PLIN2: variants seen among roughly 807,000 people sequenced by gnomAD.
PLIN2 encodes the protein perilipin 2, also known as perilipin-2.
PLIN2 carries 33 observed loss-of-function variants against 30.6 expected under a neutral mutation model. The ratio of observed to expected loss-of-function variants is 1.08; its 90% CI spans 0.82 to 1.44. The LOEUF is 1.44. Ranked by LOEUF, PLIN2 falls within the 40% of genes most tolerant of loss-of-function variation. The pLI is 0.00. For missense variants in PLIN2, 610 were observed against 531.8 expected (o/e 1.15, Z -1.45); for synonymous variants, 205 against 201.1 (o/e 1.02, Z -0.16).
chr9:19,115,857 A>T lies in PLIN2; in HGVS notation c.*391T>A, dbSNP rs1239867447. On this transcript the variant is annotated 3_prime_UTR_variant, in exon 8 of 8. Transcript: ENST00000276914. ...AAATCAAGTTTTACAAGCAAGCATC[A>T]TGAGATAAAGCAGTGAAGACGCCTT... The T allele has an allele frequency of 6.2e-6, 1 of 162,148 alleles. No individual in the cohort carries two copies. Among genetic ancestry groups the T allele is most frequent in the Non-Finnish European group, 1.3e-5 (1 of 74,588 alleles). 10.0% of individuals were successfully genotyped at this position (162,148 alleles called of 1,614,324 possible). A position where few individuals can be genotyped will look rare whatever the true frequency, so the allele number is the denominator to read the frequency against.
intron 4 of PLIN2, among the ~76,000 whole-genome samples, chr9:19,121,394 G>GT (rs1818313048): frequency 2.0e-5 from 3 of 149,154 alleles, no homozygotes; most frequent in African/African-American, 7.4e-5. Context: ...AGCAAATGAA[G>GT]TAAACAGATA....
downstream of PLIN2, among the ~76,000 whole-genome samples, chr9:19,110,852 T>C (rs1246578822): frequency 6.6e-6 from 1 of 152,174 alleles, no homozygotes; most frequent in Non-Finnish European, 1.5e-5. Flanking sequence ...CTAGAAAGTA[T>C]ATTATGTATC....
In PLIN2 at chr9:19,116,356, T is replaced by C; in HGVS notation, c.1206A>G (p.Val402=). 1 of 1,614,168 alleles carries C rather than the reference T, an allele frequency of 6.2e-7. No homozygotes were observed. The highest frequency in any genetic ancestry group is 8.5e-7 in the Non-Finnish European group (1 of 1,180,002). Residue 402 remains valine, a synonymous_variant, in exon 8 of 8, where the codon GTA becomes GTG. Transcript: ENST00000276914. ...CAGTCAGCTGAGGATAAAAGGGACCTACCAGCCAGTTGAGGGGCGTGTTGT... is the reference window on the plus strand; with the variant it reads ...CAGTCAGCTGAGGATAAAAGGGACCCACCAGCCAGTTGAGGGGCGTGTTGT... ...LVNNTPLNWL[V]GPFYPQLTES... is the part of the protein sequence containing the mutation.
chr9:19,121,619 G>T (rs757976201), intron 4 of PLIN2, among the ~76,000 whole-genome samples: 1 of 152,036 alleles, frequency 6.6e-6, no homozygotes, highest in Non-Finnish European at 1.5e-5. Context: ...CCTGGCCCTC[G>T]GGGTGTTATT....
At chr9:19,115,550 G>C (rs745783346), downstream of PLIN2, among the ~76,000 whole-genome samples, 1 of 151,770 alleles carries the variant, frequency 6.6e-6, no homozygotes, top group African/African-American at 2.4e-5. Flanking sequence ...CTCGTGATCC[G>C]CCCACCTCAG....
chr9:19,123,011 C>T (rs1818343928), intron 4 of PLIN2, among the ~76,000 whole-genome samples: 1 of 152,178 alleles, frequency 6.6e-6, no homozygotes, highest in African/African-American at 2.4e-5. Context: ...CACTAAGTGA[C>T]AGATGACTGT....
At chr9:19,113,645 C>T (rs1015981136), downstream of PLIN2, among the ~76,000 whole-genome samples, 2 of 151,308 alleles carry the variant, frequency 1.3e-5, no homozygotes, top group African/African-American at 4.9e-5. Context: ...ACAATCTCGG[C>T]TCACTGCAAC....
intron 4 of PLIN2, among the ~76,000 whole-genome samples, chr9:19,121,792 G>C (rs977458572): frequency 6.6e-6 from 1 of 152,112 alleles, no homozygotes; most frequent in African/African-American, 2.4e-5. Flanking sequence ...TTAGTTGGGC[G>C]TGGTGGCACA....
At chr9:19,119,579 A>T in intron 6 of PLIN2, 71 bp downstream of exon 6, 1 of 892,418 alleles carries the variant, frequency 1.1e-6, no homozygotes, top group Non-Finnish European at 1.7e-6. Context: ...GGATTTTGTG[A>T]TTACATTTAA....
In PLIN2 at chr9:19,122,486, T is replaced by C. The variant is rs142332755; in HGVS notation, c.309+1079A>G. 1.8e-3 allele frequency among the ~76,000 whole-genome samples: 265 copies of C among 149,914 alleles called. 1 individual carries two copies. Among genetic ancestry groups the C allele is most frequent in the African/African-American group, 4.9e-3 (197 of 40,376 alleles). On this transcript the variant is annotated intron_variant, in intron 4 of 7. Transcript: ENST00000276914. ...GCCTAGAAGCAAGCAACAGGCTATATACCATATAGCCTAGGTATATAGCAG... is the reference window on the plus strand; with the variant it reads ...GCCTAGAAGCAAGCAACAGGCTATACACCATATAGCCTAGGTATATAGCAG...
intron 4 of PLIN2, among the ~76,000 whole-genome samples, chr9:19,122,233 T>C (rs1461527865): frequency 2.0e-5 from 3 of 151,932 alleles, no homozygotes; most frequent in Non-Finnish European, 4.4e-5. Flanking sequence ...ATTTAAAAGA[T>C]TTGCACAAGC....
intron 4 of PLIN2, chr9:19,123,220 C>A: frequency 1.2e-6 from 1 of 801,688 alleles, no homozygotes; most frequent in Non-Finnish European, 1.9e-6. Context: ...ATTGTACAAG[C>A]CAGGTGAGAA....
downstream of PLIN2, among the ~76,000 whole-genome samples, chr9:19,114,758 G>C (rs1424696692): frequency 6.6e-6 from 1 of 152,174 alleles, no homozygotes; most frequent in Admixed American, 6.6e-5. Flanking sequence ...TATTTCATCT[G>C]TGTGACAAGG....
downstream of PLIN2, among the ~76,000 whole-genome samples, chr9:19,111,848 T>C (rs1169832315): frequency 6.6e-6 from 1 of 152,122 alleles, no homozygotes; most frequent in African/African-American, 2.4e-5. Flanking sequence ...AATCTTCCTG[T>C]CCCAGCCACC....
chr9:19,112,240 TC>T (rs1818168345), downstream of PLIN2, among the ~76,000 whole-genome samples: 1 of 152,162 alleles, frequency 6.6e-6, no homozygotes, highest in Non-Finnish European at 1.5e-5. Flanking sequence ...TCTTGAACAC[TC>T]CCTGAGGCAC....
Position 19,123,745 on chromosome 9 carries a change from G to T in PLIN2, c.227-98C>A, listed in dbSNP as rs1173790220. 6 of 1,031,650 alleles carry T rather than the reference G, an allele frequency of 5.8e-6. 1 individual carries two copies. The highest frequency in any genetic ancestry group is 8.4e-6 in the Non-Finnish European group (6 of 710,132). 63.9% of individuals were successfully genotyped at this position (1,031,650 alleles called of 1,614,324 possible). On this transcript the variant is annotated intron_variant, in intron 3 of 7. Transcript: ENST00000276914. ...ATAAAAAATGGCAATAATGGGCTGGGCACGGTGGCTCACGCCTGTAATCCC... is the reference window on the plus strand; with the variant it reads ...ATAAAAAATGGCAATAATGGGCTGGTCACGGTGGCTCACGCCTGTAATCCC...
chr9:19,122,391 C>A (rs1475516710), intron 4 of PLIN2, among the ~76,000 whole-genome samples: 1 of 151,380 alleles, frequency 6.6e-6, no homozygotes, highest in African/African-American at 2.4e-5. Flanking sequence ...TGTACCTTTT[C>A]TAGTTTAGAT....
chr9:19,110,648 G>T (rs1049795370), intron 2 of PLIN2, among the ~76,000 whole-genome samples: 4 of 151,590 alleles, frequency 2.6e-5, no homozygotes, highest in Non-Finnish European at 5.9e-5. Context: ...GCTAATTTTT[G>T]TATTTTTAGT....
chr9:19,109,427 C>T (rs1159235652), intron 2 of PLIN2, among the ~76,000 whole-genome samples: 2 of 151,240 alleles, frequency 1.3e-5, no homozygotes, highest in Non-Finnish European at 3.0e-5. Flanking sequence ...GGTGGCATGC[C>T]CCTGTAGCCC....
Sources: gnomAD v4.1 joint callset for allele counts (sites outside exome capture counted in the v4.1 genomes callset) on GRCh38, gnomAD v4.1.1 for gene constraint, MANE v1.5 for transcripts, NCBI Gene and HGNC (gene_info 2026-07-23, HGNC 2026-07-21) for gene names.